The following SGCG variants were observed in gnomAD, a reference collection of about 807,000 sequenced individuals.
The protein encoded by SGCG is sarcoglycan gamma, also known as gamma-sarcoglycan.
In SGCG, 26 loss-of-function variants were observed where a neutral mutation model predicts 29.3. That is an observed-to-expected ratio of 0.89 (90% CI 0.65 to 1.23). SGCG has a LOEUF of 1.23. Ranked by LOEUF, SGCG falls within the 50% of genes most tolerant of loss-of-function variation. SGCG has a pLI of 0.00. For synonymous variants in SGCG, 145 were observed against 129.7 expected, an observed-to-expected ratio of 1.12 and a Z score of -0.80; for missense variants, 353 against 356.0, an observed-to-expected ratio of 0.99 and a Z score of 0.07.
At chr13:23,195,703 G>T (rs1014192390) in intron 1 of SGCG, among the ~76,000 whole-genome samples, 1 of 151,616 alleles carries the variant, frequency 6.6e-6, no homozygotes, top group Non-Finnish European at 1.5e-5. Flanking sequence ...TATAATAAGG[G>T]TATTATTATT....
At chr13:23,305,392 T>C (rs966744847) in intron 6 of SGCG, among the ~76,000 whole-genome samples, 2 of 152,268 alleles carry the variant, frequency 1.3e-5, no homozygotes, top group African/African-American at 4.8e-5. Context: ...ACTACCTTAC[T>C]AAACCTTTTA....
At chr13:23,178,462 G>A (rs373296833), upstream of SGCG, among the ~76,000 whole-genome samples, 3 of 152,194 alleles carry the variant, frequency 2.0e-5, no homozygotes, top group South Asian at 6.2e-4. Context: ...GACAATGCGT[G>A]TTGTATTGGA....
chr13:23,318,591 A>G (rs1029481794), intron 6 of SGCG, among the ~76,000 whole-genome samples: 1 of 152,196 alleles, frequency 6.6e-6, no homozygotes, highest in Admixed American at 6.5e-5. Context: ...AAAAGAGGGT[A>G]AACTAAAATA....
chr13:23,278,555 G>T (rs1251534229), intron 4 of SGCG, among the ~76,000 whole-genome samples: 1 of 152,154 alleles, frequency 6.6e-6, no homozygotes, highest in East Asian at 1.9e-4. Flanking sequence ...ATGAGGCCTG[G>T]GTTAGAAAGT....
At chr13:23,304,324 A>G (rs116220585) in intron 6 of SGCG, among the ~76,000 whole-genome samples, 264 of 152,252 alleles carry the variant, frequency 1.7e-3, no homozygotes, top group African/African-American at 5.9e-3. Flanking sequence ...TTTTACAATT[A>G]GACCTCTGAT....
intron 4 of SGCG, among the ~76,000 whole-genome samples, chr13:23,256,856 T>C (rs1206203995): frequency 2.6e-5 from 4 of 152,248 alleles, no homozygotes; most frequent in Non-Finnish European, 5.9e-5. Flanking sequence ...CATGTGTCTT[T>C]GTAGTAGCAT....
intron 4 of SGCG, among the ~76,000 whole-genome samples, chr13:23,262,561 G>A (rs36015000): frequency 0.063 from 9,536 of 152,010 alleles, 419 homozygotes; most frequent in Non-Finnish European, 0.094. Flanking sequence ...AATAACAGTG[G>A]AGGACTTCAA....
intron 1 of SGCG, among the ~76,000 whole-genome samples, chr13:23,191,684 G>A (rs678622): frequency 0.6 from 91,466 of 152,006 alleles, 28,365 homozygotes; most frequent in African/African-American, 0.76. Context: ...CAAAAGGGAA[G>A]TGGCCTCAGC....
chr13:23,264,073 G>A (rs1266347575), intron 4 of SGCG, among the ~76,000 whole-genome samples: 1 of 151,980 alleles, frequency 6.6e-6, no homozygotes, highest in Non-Finnish European at 1.5e-5. Flanking sequence ...TACTGAAAGT[G>A]CTAGCCAGAG....
At chr13:23,206,080 A>G (rs539977137) in intron 2 of SGCG, among the ~76,000 whole-genome samples, 1 of 152,324 alleles carries the variant, frequency 6.6e-6, no homozygotes. Flanking sequence ...GAAACAGTAA[A>G]TTGTAAATTA....
chr13:23,249,045 G>A (rs1479993567), intron 3 of SGCG, among the ~76,000 whole-genome samples: 2 of 150,060 alleles, frequency 1.3e-5, no homozygotes, highest in Non-Finnish European at 3.0e-5. Context: ...TATTCCATTA[G>A]TGAGGTAAAG....
chr13:23,240,851 A>G (rs1292844723), intron 3 of SGCG, among the ~76,000 whole-genome samples: 2 of 152,184 alleles, frequency 1.3e-5, no homozygotes, highest in Admixed American at 6.5e-5. Flanking sequence ...TTAAATGCCT[A>G]TATTAAAAAA....
intron 4 of SGCG, among the ~76,000 whole-genome samples, chr13:23,263,137 G>T (rs1209450475): frequency 6.8e-6 from 1 of 146,670 alleles, no homozygotes; most frequent in African/African-American, 2.5e-5. Context: ...CATAGGAAAA[G>T]AAATAACAAA....
intron 2 of SGCG, among the ~76,000 whole-genome samples, chr13:23,226,830 G>T (rs567803650): frequency 1.1e-3 from 166 of 152,192 alleles, no homozygotes; most frequent in African/African-American, 3.9e-3. Flanking sequence ...AGGGGTGATG[G>T]TTGTACAACA....
chr13:23,296,834 C>G (rs1382850631), intron 6 of SGCG, among the ~76,000 whole-genome samples: 1 of 151,954 alleles, frequency 6.6e-6, no homozygotes, highest in African/African-American at 2.4e-5. Context: ...TGTATTTTAC[C>G]TTACCACTAG....
chr13:23,206,971 A>G (rs894580282), intron 2 of SGCG, among the ~76,000 whole-genome samples: 4 of 152,242 alleles, frequency 2.6e-5, no homozygotes, highest in African/African-American at 7.2e-5. Flanking sequence ...ACACAATCCA[A>G]AAATTCATGT....
At chr13:23,189,489 T>A (rs1033554688) in intron 1 of SGCG, among the ~76,000 whole-genome samples, 3 of 152,124 alleles carry the variant, frequency 2.0e-5, no homozygotes, top group African/African-American at 7.2e-5. Context: ...TTCCTGAAAT[T>A]TTTTTGGAAA....
intron 1 of SGCG, among the ~76,000 whole-genome samples, chr13:23,186,952 A>G (rs544747333): frequency 3.0e-4 from 45 of 152,262 alleles, no homozygotes; most frequent in Admixed American, 5.2e-4. Flanking sequence ...CCTCAAGATG[A>G]TGTAACCCCC....
intron 4 of SGCG, among the ~76,000 whole-genome samples, chr13:23,259,686 T>C (rs1027317493): frequency 5.9e-5 from 9 of 152,244 alleles, no homozygotes; most frequent in Non-Finnish European, 2.9e-5. Context: ...CATTTAGTGC[T>C]ATAAATTTCC....
Sources: allele counts gnomAD v4.1 joint callset (sites outside exome capture counted in the v4.1 genomes callset), GRCh38; gene constraint gnomAD v4.1.1; transcripts MANE v1.5; gene names NCBI Gene and HGNC (gene_info 2026-07-23, HGNC 2026-07-21).